The following PARG variants were observed in gnomAD, a reference collection of about 807,000 sequenced individuals.
PARG encodes mitochondrial poly(ADP-ribose) glycohydrolase.
PARG carries 35 observed loss-of-function variants against 113.0 expected under a neutral mutation model. The ratio of observed to expected loss-of-function variants is 0.31; its 90% confidence interval spans 0.24 to 0.41. PARG has a LOEUF of 0.41. PARG is among the 10% of genes least tolerant of loss of function. The pLI is 1.00. For missense variants in PARG, 797 were observed against 1,169.4 expected, an observed-to-expected ratio of 0.68 and a Z score of 4.64; for synonymous variants, 330 against 409.9, an observed-to-expected ratio of 0.81 and a Z score of 2.36.
chr10:49,899,036 T>A (rs1435679210), intron 7 of PARG, among the ~76,000 whole-genome samples: 15 of 152,218 alleles, frequency 9.9e-5, no homozygotes, highest in African/African-American at 3.6e-4. Flanking sequence ...AAACCGTCAA[T>A]AAAAATATGT....
Position 49,852,766 on chromosome 10 carries a change from G to A in PARG, c.2353+4540C>T, listed in dbSNP as rs1453510628. 4.6e-4 allele frequency among the ~76,000 whole-genome samples: 69 copies of A among 150,844 alleles called. 1 individual carries two copies. In the East Asian group the frequency reaches 0.011, roughly 25 times the overall value. On this transcript the variant is annotated intron_variant, in intron 13 of 17. Transcript: ENST00000616448. ...TTTTTAGTAGAGATGGGGTTTCACC[G>A]TGTTAGCCAGGATGGTCTCAATCTC...
At chr10:49,920,501 C>T (rs5013290) in intron 6 of PARG, among the ~76,000 whole-genome samples, 1,348 of 77,304 alleles carry the variant, frequency 0.017, 17 homozygotes, top group Non-Finnish European at 0.03. Flanking sequence ...TATATATACA[C>T]ACACACACAC....
chr10:49,894,360 C>T (rs1193613009), intron 7 of PARG, among the ~76,000 whole-genome samples: 1 of 152,060 alleles, frequency 6.6e-6, no homozygotes. Context: ...TTTAGCTTGC[C>T]TATTTTCCTA....
At chr10:49,920,596 ATATATACGTACATATATACG>A (rs1350108026) in intron 6 of PARG, among the ~76,000 whole-genome samples, 1 of 143,508 alleles carries the variant, frequency 7.0e-6, no homozygotes, top group African/African-American at 2.6e-5. Flanking sequence ...ACATATATAC[ATATATACGTACATATATACG>A]TATATATATA....
intron 1 of PARG, among the ~76,000 whole-genome samples, chr10:49,935,997 A>T (rs1201526008): frequency 6.6e-6 from 1 of 152,170 alleles, no homozygotes; most frequent in East Asian, 1.9e-4. Context: ...ATTGCCAGAA[A>T]CTAGGGAGGA....
Position 49,933,784 on chromosome 10 carries a change from T to C in PARG, c.664A>G (p.Thr222Ala). 1 of 1,613,700 alleles carries C rather than the reference T, an allele frequency of 6.2e-7. No homozygotes were observed. The highest frequency in any genetic ancestry group is 8.5e-7 in the Non-Finnish European group (1 of 1,179,584). Reference protein sequence around the residue: ...TTVKLANAKQTTEDEQAREAK... With the variant: ...TTVKLANAKQATEDEQAREAK... ...TCTCTGGCCTGTTCATCTTCTGTAGTCTGCTTTGCATTTGCAAGCTTTACA... is the reference window on the plus strand; with the variant it reads ...TCTCTGGCCTGTTCATCTTCTGTAGCCTGCTTTGCATTTGCAAGCTTTACA... Residue 222 changes from threonine (T) to alanine (A), a missense_variant, in exon 3 of 18, where the codon ACT becomes GCT. Around this residue, in one of 5 missense-constraint regions of PARG, gnomAD observed 284 missense variants for 306.1 expected, o/e 0.93. Coordinates refer to ENST00000616448, the MANE Select transcript of PARG (RefSeq NM_003631.5).
At chr10:49,819,910 G>C (rs1017618698) in intron 17 of PARG, among the ~76,000 whole-genome samples, 6 of 152,136 alleles carry the variant, frequency 3.9e-5, no homozygotes, top group African/African-American at 1.4e-4. Context: ...AGACAGAAAA[G>C]TAAAAATGAA....
chr10:49,868,359 C>T (rs1168691712), intron 10 of PARG, among the ~76,000 whole-genome samples: 1 of 152,116 alleles, frequency 6.6e-6, no homozygotes, highest in Non-Finnish European at 1.5e-5. Context: ...CCAAATGATT[C>T]TGCATTGTAA....
chr10:49,840,682 A>G (rs1845184999), intron 15 of PARG, among the ~76,000 whole-genome samples: 1 of 152,262 alleles, frequency 6.6e-6, no homozygotes, highest in South Asian at 2.1e-4. Flanking sequence ...AACATGTTCA[A>G]CAATAAATTA....
At chr10:49,891,380 T>C (rs1441643817) in intron 7 of PARG, among the ~76,000 whole-genome samples, 2 of 150,424 alleles carry the variant, frequency 1.3e-5, no homozygotes, top group African/African-American at 4.9e-5. Context: ...ATACAAGAAA[T>C]AGCACAAGCT....
chr10:49,829,684 A>G (rs558107664), intron 16 of PARG, among the ~76,000 whole-genome samples: 4 of 152,334 alleles, frequency 2.6e-5, no homozygotes, highest in African/African-American at 7.2e-5. Flanking sequence ...ACTATCACCC[A>G]CTAGAGAACA....
chr10:49,862,287 A>G (rs544872944), intron 11 of PARG, among the ~76,000 whole-genome samples: 1 of 152,052 alleles, frequency 6.6e-6, no homozygotes, highest in South Asian at 2.1e-4. Context: ...CATTGTATCA[A>G]AAGTATTTGT....
intron 15 of PARG, among the ~76,000 whole-genome samples, chr10:49,839,660 C>T (rs1230800503): frequency 1.3e-5 from 2 of 152,178 alleles, no homozygotes; most frequent in African/African-American, 4.8e-5. Flanking sequence ...TCAACTGGAC[C>T]TGGCAATTTT....
intron 7 of PARG, among the ~76,000 whole-genome samples, chr10:49,915,399 C>G (rs1267142246): frequency 2.6e-5 from 4 of 152,096 alleles, no homozygotes; most frequent in African/African-American, 9.7e-5. Context: ...TTCTTATCCA[C>G]TACTGGCAGC....
chr10:49,828,008 G>A (rs1844442347), intron 16 of PARG, among the ~76,000 whole-genome samples: 1 of 148,022 alleles, frequency 6.8e-6, no homozygotes, highest in African/African-American at 2.5e-5. Flanking sequence ...AAATTCTCAC[G>A]GGTGCCTAGG....
chr10:49,898,992 T>C (rs1464873029), intron 7 of PARG, among the ~76,000 whole-genome samples: 1 of 152,232 alleles, frequency 6.6e-6, no homozygotes, highest in African/African-American at 2.4e-5. Flanking sequence ...TTATGATTGA[T>C]TCACCATTCC....
chr10:49,887,427 A>C (rs1177110012), intron 7 of PARG, among the ~76,000 whole-genome samples: 1 of 152,036 alleles, frequency 6.6e-6, no homozygotes, highest in Non-Finnish European at 1.5e-5. Flanking sequence ...CACTACAATA[A>C]AGATCTCATG....
At position 49,884,874 on chromosome 10, in the gene PARG, G is replaced by C. The variant is rs1270304290; in HGVS notation, c.1830+329C>G. 2.1e-5 allele frequency among the ~76,000 whole-genome samples: 3 copies of C among 141,516 alleles called. No homozygotes were observed. The East Asian group carries it at 5.9e-4, about 28-fold the overall frequency. The allele number at this position is 141,516 out of a possible 152,430, so 92.8% of individuals were successfully genotyped here. On this transcript the variant is annotated intron_variant, in intron 8 of 17. Coordinates refer to ENST00000616448, the MANE Select transcript of PARG (RefSeq NM_003631.5). The stretch of plus-strand genomic sequence containing the variant: ...TTTGAAATAATGAATACTTTTTTAA[G>C]TTAGAGGTTATTTAAACAAAGAGAG...
rs1843908186 is a variant in PARG, at chr10:49,818,555, A to G, written c.*785T>C. 6.6e-6 allele frequency: 1 copy of G among 152,616 alleles called. No individual in the cohort carries two copies. 9.5% of individuals were successfully genotyped at this position (152,616 alleles called of 1,614,324 possible). On this transcript the variant is annotated 3_prime_UTR_variant, in exon 18 of 18. Coordinates refer to ENST00000616448, the MANE Select transcript of PARG (RefSeq NM_003631.5). The stretch of plus-strand genomic sequence containing the variant: ...AAACATTAGTCCTAATTTAAAAAGA[A>G]AAAAGTACCAAGAAACAAAAAAAAT...
Sources: allele counts gnomAD v4.1 joint callset (sites outside exome capture counted in the v4.1 genomes callset), GRCh38; gene constraint gnomAD v4.1.1; regional missense constraint gnomAD v4.1.1; transcripts MANE v1.5; gene names NCBI Gene and HGNC (gene_info 2026-07-23, HGNC 2026-07-21).